Variants in FAM83F observed in about 807,000 individuals in gnomAD.
FAM83F encodes the protein scaffolding CK1 anchoring protein F.
A neutral mutation model predicts 42.9 loss-of-function variants in FAM83F; 45 were observed. The observed-to-expected ratio is 1.05, with a 90% CI of 0.83 to 1.35. The LOEUF is 1.35. FAM83F is among the 40% of genes most tolerant of loss of function. The probability of loss-of-function intolerance (pLI) is 0.00; values close to 1 mark genes in which losing one functional copy is unlikely to be tolerated. For synonymous variants in FAM83F, 306 were observed against 298.3 expected, an observed-to-expected ratio of 1.03 and a Z score of -0.27; for missense variants, 617 against 695.9, an observed-to-expected ratio of 0.89 and a Z score of 1.28.
rs554965783 is a variant in FAM83F at position 40,039,580 on chromosome 22, T to G, written c.*10015T>G. 10 of 152,198 alleles carry G rather than the reference T, an allele frequency of 6.6e-5. No homozygotes were observed. The highest frequency in any genetic ancestry group is 1.7e-4 in the African/African-American group (7 of 41,450). 9.4% of individuals were successfully genotyped at this position (152,198 alleles called of 1,614,324 possible). A position where few individuals can be genotyped will look rare whatever the true frequency, so the allele number is the denominator to read the frequency against. ...AGAATGAAGGGTGGAGATGGAGAGA[T>G]AGAATTCTCATCTTAGAGGTGAAAG... On this transcript the variant is annotated 3_prime_UTR_variant, in exon 5 of 5. Transcript: ENST00000333407.
chr22:40,036,668 T>C lies in FAM83F; in HGVS notation c.*7103T>C, dbSNP rs1337816720. On this transcript the variant is annotated 3_prime_UTR_variant, in exon 5 of 5. Coordinates refer to ENST00000333407, the MANE Select transcript of FAM83F (RefSeq NM_138435.4). ...CCTCATGTAGATTCCACACCCCGCC[T>C]TGATGTCTTTGGCTTTCACACTAGT... 1 of 152,284 alleles carries C rather than the reference T, an allele frequency of 6.6e-6. No individual in the cohort carries two copies. 9.4% of individuals were successfully genotyped at this position (152,284 alleles called of 1,614,324 possible).
chr22:40,027,723 C>G (rs991740686), intron 4 of FAM83F, among the ~76,000 whole-genome samples: 1 of 152,208 alleles, frequency 6.6e-6, no homozygotes, highest in Non-Finnish European at 1.5e-5. Context: ...TGTCTCCAGG[C>G]TTTCACCCTG....
Position 39,995,088 on chromosome 22 carries a change from G to A in FAM83F, c.46G>A (p.Glu16Lys). 1 of 1,351,982 alleles carries A rather than the reference G, an allele frequency of 7.4e-7. No individual in the cohort carries two copies. The highest frequency in any genetic ancestry group is 4.0e-5 in the Admixed American group (1 of 25,238). The allele number at this position is 1,351,982 out of a possible 1,614,324, so 83.7% of individuals were successfully genotyped here. Reference protein sequence around the residue: ...LNCLDEAHVNEKVTEAQAAFY... With the variant: ...LNCLDEAHVNKKVTEAQAAFY... ...CTGCCTGGACGAGGCGCACGTGAACGAGAAGGTGACCGAGGCGCAGGCCGC... is the reference window on the plus strand; with the variant it reads ...CTGCCTGGACGAGGCGCACGTGAACAAGAAGGTGACCGAGGCGCAGGCCGC... The change falls in exon 1 of 5, where the codon GAG becomes AAG. Residue 16 changes from glutamate (E) to lysine (K), a missense_variant. By Grantham distance (56) the Glu-to-Lys change is moderately conservative. Transcript: ENST00000333407. This position sits in a 1 kb window ranked among gnomAD's most constrained non-coding sequence, Gnocchi z 4.6.
Position 40,021,605 on chromosome 22 carries a change from C to T in FAM83F, c.1095C>T (p.Gly365=), listed in dbSNP as rs961050448. ...GGCAGGAGGAGGGCGCCAGCGGTGGCGAGTCGGCCTGGCGCCTGGAGAGCT... is the reference window on the plus strand; with the variant it reads ...GGCAGGAGGAGGGCGCCAGCGGTGGTGAGTCGGCCTGGCGCCTGGAGAGCT... The part of the protein sequence containing the change: ...PEGQEEGASG[G]ESAWRLESFL... The change falls in exon 4 of 5, where the codon GGC becomes GGT. Residue 365 remains glycine, a synonymous_variant. Transcript: ENST00000333407. The surrounding 1 kb of genome is among the most constrained non-coding windows in gnomAD (Gnocchi z 8.7). The T allele has an allele frequency of 3.8e-6, 6 of 1,580,084 alleles. No homozygotes were observed. The highest frequency in any genetic ancestry group is 2.3e-5 in the East Asian group (1 of 44,244).
rs2067637447 is a variant in FAM83F, at chr22:40,038,514, T to C, written c.*8949T>C. On this transcript the variant is annotated 3_prime_UTR_variant, in exon 5 of 5. Coordinates refer to ENST00000333407, the MANE Select transcript of FAM83F (RefSeq NM_138435.4). ...GGAGAAAAAAGTTTTTCCTCTGGCC[T>C]TGTAGGATTGGTTATTACTGAGCCT... is the stretch of plus-strand genomic sequence containing the variant. 2 of 152,222 alleles carry C rather than the reference T, an allele frequency of 1.3e-5. No individual in the cohort carries two copies. Among genetic ancestry groups the C allele is most frequent in the South Asian group, 2.1e-4 (1 of 4,830 alleles). The allele number at this position is 152,222 out of a possible 1,614,324, so 9.4% of individuals were successfully genotyped here.
At position 40,034,219 on chromosome 22, in the gene FAM83F, A is replaced by T. The variant is rs1601776303; in HGVS notation, c.*4654A>T. On this transcript the variant is annotated 3_prime_UTR_variant, in exon 5 of 5. Transcript: ENST00000333407. ...CCGTGCGCTAGGGATGCAATTTCTCATCTGGCAGTGCGCCACACTCCTGCC... is the reference window on the plus strand; with the variant it reads ...CCGTGCGCTAGGGATGCAATTTCTCTTCTGGCAGTGCGCCACACTCCTGCC... The T allele has an allele frequency of 6.6e-6, 1 of 152,386 alleles. No individual in the cohort carries two copies. The highest frequency in any genetic ancestry group is 2.1e-4 in the South Asian group (1 of 4,826). 9.4% of individuals were successfully genotyped at this position (152,386 alleles called of 1,614,324 possible). A position where few individuals can be genotyped will look rare whatever the true frequency, so the allele number is the denominator to read the frequency against.
In FAM83F at chr22:40,010,346, G is replaced by A. The variant is rs77048750; in HGVS notation, c.490-8822G>A. Among the ~76,000 whole-genome samples, 882 of 152,326 alleles carry A rather than the reference G, an allele frequency of 5.8e-3. 1 individual carries two copies. The highest frequency in any genetic ancestry group is 9.2e-3 in the Non-Finnish European group (625 of 68,028). On this transcript the variant is annotated intron_variant, in intron 1 of 4. Transcript: ENST00000333407. ...CTGGTTCCCCTGGGCCTGACACTGC[G>A]GAGCTGAATGTCAAAGCAGGGCCCT...
intron 1 of FAM83F, among the ~76,000 whole-genome samples, chr22:40,016,443 C>T (rs2067492714): frequency 6.6e-6 from 1 of 152,236 alleles, no homozygotes; most frequent in Non-Finnish European, 1.5e-5. Flanking sequence ...AAGCAGTCCT[C>T]CTGTCTCAGC....
intron 1 of FAM83F, among the ~76,000 whole-genome samples, chr22:39,996,240 TG>T (rs1230764242): frequency 2.6e-5 from 4 of 152,192 alleles, no homozygotes; most frequent in Admixed American, 2.6e-4. Flanking sequence ...AAGGAGGGGC[TG>T]TTTCCAGGGT....
rs1310138170 is a variant in FAM83F, at chr22:39,994,980, C to T, written c.-63C>T. On this transcript the variant is annotated 5_prime_UTR_variant, in exon 1 of 5. Coordinates refer to ENST00000333407, the MANE Select transcript of FAM83F (RefSeq NM_138435.4). ...CCCCGCCCCTCGGCGGCTCCAGGTG[C>T]GGCTGTGGGACCTCGGACCGCGGCG... 9.1e-6 allele frequency: 11 copies of T among 1,212,300 alleles called. No individual in the cohort carries two copies. In the Admixed American group the frequency reaches 1.7e-4, roughly 19 times the overall value. 75.1% of individuals were successfully genotyped at this position (1,212,300 alleles called of 1,614,324 possible).
In FAM83F at chr22:40,034,712, A is replaced by G. The variant is rs2067611600; in HGVS notation, c.*5147A>G. 6.6e-6 allele frequency: 1 copy of G among 152,266 alleles called. No individual in the cohort carries two copies. The allele number at this position is 152,266 out of a possible 1,614,324, so 9.4% of individuals were successfully genotyped here. A position where few individuals can be genotyped will look rare whatever the true frequency, so the allele number is the denominator to read the frequency against. ...ACTTGACTGCCATTCAGTACAGAGA[A>G]TTAGCCAGGTGAATAAACAGGATGT... On this transcript the variant is annotated 3_prime_UTR_variant, in exon 5 of 5. Transcript: ENST00000333407.
At position 40,030,744 on chromosome 22, in the gene FAM83F, G is replaced by C. The variant is rs865911018; in HGVS notation, c.*1179G>C. ...GAGAAATTGCCAAACTGCAGACTCTGTGAGCCGGCCCTGCCGGCAGGGCGA... is the reference window on the plus strand; with the variant it reads ...GAGAAATTGCCAAACTGCAGACTCTCTGAGCCGGCCCTGCCGGCAGGGCGA... On this transcript the variant is annotated 3_prime_UTR_variant, in exon 5 of 5. Coordinates refer to ENST00000333407, the MANE Select transcript of FAM83F (RefSeq NM_138435.4). The C allele has an allele frequency of 1.3e-5, 2 of 152,326 alleles. No homozygotes were observed. The highest frequency in any genetic ancestry group is 4.8e-5 in the African/African-American group (2 of 41,474). 9.4% of individuals were successfully genotyped at this position (152,326 alleles called of 1,614,324 possible). A position where few individuals can be genotyped will look rare whatever the true frequency, so the allele number is the denominator to read the frequency against.
At chr22:40,019,583 C>G (rs2067508688) in intron 2 of FAM83F, among the ~76,000 whole-genome samples, 1 of 152,176 alleles carries the variant, frequency 6.6e-6, no homozygotes, top group Non-Finnish European at 1.5e-5. Flanking sequence ...CTGGGCTGGT[C>G]CTGGGGTGCT....
In FAM83F at chr22:40,019,319, C is replaced by G. The variant is rs115365592; in HGVS notation, c.641C>G (p.Thr214Ser). ...FLEMCQDLQL[T>S]DFRIRNIRVR... ...GAGATGTGTCAGGACCTGCAGCTCA[C>G]TGACTTCCGGATTCGGGTAAGTTGC... is the stretch of plus-strand genomic sequence containing the variant. Residue 214 changes from threonine (T) to serine (S), a missense_variant, in exon 2 of 5, where the codon ACT becomes AGT. Thr to Ser is a moderately conservative substitution (Grantham distance 58, BLOSUM62 1). Transcript: ENST00000333407. The G allele has an allele frequency of 6.2e-7, 1 of 1,613,890 alleles. No homozygotes were observed. The highest frequency in any genetic ancestry group is 1.3e-5 in the African/African-American group (1 of 74,986).
chr22:40,019,134 A>C (rs1271840443), intron 1 of FAM83F, 34 bp from the exon 2 acceptor site: 6 of 1,609,592 alleles, frequency 3.7e-6, no homozygotes, highest in Non-Finnish European at 4.2e-6. Context: ...GCGTGTAGAC[A>C]CCGTGTGCCT....
At chr22:40,012,848 C>T (rs539741909) in intron 1 of FAM83F, among the ~76,000 whole-genome samples, 1,613 of 147,554 alleles carry the variant, frequency 0.011, 25 homozygotes, top group African/African-American at 0.039. Flanking sequence ...CTGAGGCAGG[C>T]GGATCACGAG....
At chr22:40,019,409 C>T in intron 2 of FAM83F, 74 bp downstream of exon 2, 1 of 1,405,628 alleles carries the variant, frequency 7.1e-7, no homozygotes, top group Non-Finnish European at 9.9e-7. Context: ...CCTGCAGCTC[C>T]CCCCTGCCTC....
chr22:40,000,705 C>T (rs2067396444), intron 1 of FAM83F, among the ~76,000 whole-genome samples: 1 of 152,188 alleles, frequency 6.6e-6, no homozygotes, highest in South Asian at 2.1e-4. Flanking sequence ...CACCTCACCA[C>T]CTTGTTTGAG....
rs907958880 is a variant in FAM83F at position 40,041,201 on chromosome 22, T to C, written c.*11636T>C. 4.6e-5 allele frequency: 7 copies of C among 152,126 alleles called. No individual in the cohort carries two copies. 9.4% of individuals were successfully genotyped at this position (152,126 alleles called of 1,614,324 possible). On this transcript the variant is annotated 3_prime_UTR_variant, in exon 5 of 5. Coordinates refer to ENST00000333407, the MANE Select transcript of FAM83F (RefSeq NM_138435.4). ...AACACCACATATAGAGCGCTAAGAA[T>C]AGCACAGCGCTCCAAGAACATAGTG...
Sources: gnomAD v4.1 joint callset for allele counts (sites outside exome capture counted in the v4.1 genomes callset) on GRCh38, gnomAD v4.1.1 for gene constraint, Gnocchi (gnomAD v3.1) non-coding constraint, MANE v1.5 for transcripts, NCBI Gene and HGNC (gene_info 2026-07-23, HGNC 2026-07-21) for gene names.